The following DENND2D variants were observed in gnomAD, a reference collection of about 807,000 sequenced individuals.
The protein encoded by DENND2D is DENN domain containing 2D, also known as DENN domain-containing protein 2D.
DENND2D carries 37 observed loss-of-function variants against 59.8 expected under a neutral mutation model. That is an observed-to-expected ratio of 0.62 (90% confidence interval 0.48 to 0.81). The LOEUF is 0.81. DENND2D is among the 40% of genes least tolerant of loss of function. The probability of loss-of-function intolerance (pLI) is 0.00; values close to 1 mark genes in which losing one functional copy is unlikely to be tolerated. For missense variants in DENND2D, 525 were observed against 579.7 expected (o/e 0.91, Z 0.97); for synonymous variants, 219 against 211.3 (o/e 1.04, Z -0.31).
rs1177329797 is a variant in DENND2D at position 111,186,640 on chromosome 1, T to C, written c.*965A>G. 6.6e-6 allele frequency among the ~76,000 whole-genome samples: 1 copy of C among 152,172 alleles called. No homozygotes were observed. The highest frequency in any genetic ancestry group is 1.5e-5 in the Non-Finnish European group (1 of 68,030). ...GTGACCACTAAACTCCTTCAGACTC[T>C]TAAAATTACGATTCTTTTCTCAAAG... On this transcript the variant is annotated 3_prime_UTR_variant, in exon 12 of 12. Transcript: ENST00000357640.
chr1:111,201,714 A>AT (rs1379005063), upstream of DENND2D, among the ~76,000 whole-genome samples: 2 of 152,222 alleles, frequency 1.3e-5, no homozygotes, highest in Non-Finnish European at 2.9e-5. Flanking sequence ...CCTGCTAAGA[A>AT]TAAGCACCCC....
Position 111,197,398 on chromosome 1 carries a change from C to T in DENND2D, c.427-145G>A, listed in dbSNP as rs185718203. 5.2e-5 allele frequency: 76 copies of T among 1,460,118 alleles called. No individual in the cohort carries two copies. In the African/African-American group the frequency reaches 1.0e-3, roughly 20 times the overall value. The allele number at this position is 1,460,118 out of a possible 1,614,324, so 90.4% of individuals were successfully genotyped here. A position where few individuals can be genotyped will look rare whatever the true frequency, so the allele number is the denominator to read the frequency against. ...GCAGCAGGGAGGTCAGAATGGCCAC[C>T]AGCATCAAAAGAAGAAATCCTTGAG... On this transcript the variant is annotated intron_variant, in intron 4 of 11. Transcript: ENST00000357640.
intron 4 of DENND2D, 120 bp from the exon 5 acceptor site, chr1:111,197,373 G>A: frequency 1.3e-6 from 2 of 1,496,934 alleles, no homozygotes; most frequent in Non-Finnish European, 1.8e-6. Flanking sequence ...AATGGTGGGT[G>A]CAGCAGGGAG....
chr1:111,200,490 C>G lies in DENND2D; in HGVS notation c.-31G>C. The G allele has an allele frequency of 3.8e-6, 6 of 1,589,634 alleles. No individual in the cohort carries two copies. Among genetic ancestry groups the G allele is most frequent in the Non-Finnish European group, 5.1e-6 (6 of 1,167,762 alleles). ...GGCCTTCAGGACAGAGCGGACTCCC[C>G]TCTCCCCTAACACAGACAGACTGGT... On this transcript the variant is annotated 5_prime_UTR_variant, in exon 1 of 12. Coordinates refer to ENST00000357640, the MANE Select transcript of DENND2D (RefSeq NM_024901.5).
chr1:111,201,960 T>G (rs1274389868), upstream of DENND2D, among the ~76,000 whole-genome samples: 2 of 152,200 alleles, frequency 1.3e-5, no homozygotes, highest in Non-Finnish European at 2.9e-5. Context: ...ACCACCTGTT[T>G]GAGGAACAAG....
chr1:111,196,005 G>A lies in DENND2D; in HGVS notation c.556C>T (p.Pro186Ser). 6.2e-7 allele frequency: 1 copy of A among 1,613,872 alleles called. No individual in the cohort carries two copies. Among genetic ancestry groups the A allele is most frequent in the Non-Finnish European group, 8.5e-7 (1 of 1,179,928 alleles). The change falls in exon 6 of 12, where the codon CCG (proline) becomes TCG (serine). Residue 186 changes from proline (P) to serine (S), a missense_variant. Pro to Ser is a moderately conservative substitution (Grantham distance 74). This residue lies in a region of DENND2D where 253 missense variants were observed against 246.4 expected (regional missense o/e 1.03). Transcript: ENST00000357640. The stretch of plus-strand genomic sequence containing the variant: ...GCCTCTCGGAGGCCCTGCATGAACG[G>A]GTAGATGACAGCCATGGAGATCTGA... ...RHQISMAVIY[P>S]FMQGLREAAF... is the part of the protein sequence containing the mutation.
chr1:111,202,664 GACC>G (rs1269587532), upstream of DENND2D, among the ~76,000 whole-genome samples: 1 of 143,188 alleles, frequency 7.0e-6, no homozygotes, highest in East Asian at 2.1e-4. Context: ...CTCAACCCAG[GACC>G]ACCACCACAT....
rs1270735111 is a variant in DENND2D, at chr1:111,197,920, C to G, written c.426G>C (p.Leu142Phe). The G allele has an allele frequency of 1.9e-6, 3 of 1,613,846 alleles. No individual in the cohort carries two copies. Among genetic ancestry groups the G allele is most frequent in the South Asian group, 1.1e-5 (1 of 91,068 alleles). ...AGGGGCAGTTCTGAGCTGCACAGAC[C>G]AAGAGGCGCCTGCAGTATCCAATCT... ...SRKIGYCRRL[L>F]PAGPGPRLPK... The change falls in exon 4 of 12, where the codon TTG becomes TTC. Residue 142 changes from leucine (L) to phenylalanine (F), a missense_variant and splice_region_variant. Physicochemically the swap from Leu to Phe is conservative, Grantham distance 22. This residue lies in a region of DENND2D where 253 missense variants were observed against 246.4 expected (regional missense o/e 1.03). Coordinates refer to ENST00000357640, the MANE Select transcript of DENND2D (RefSeq NM_024901.5).
upstream of DENND2D, chr1:111,204,210 C>T (rs1310322004): frequency 2.2e-6 from 3 of 1,341,134 alleles, no homozygotes; most frequent in Non-Finnish European, 2.9e-6. Flanking sequence ...CCCGTGCCGC[C>T]CTCCACCGGG....
At chr1:111,194,452 G>A in intron 7 of DENND2D, 126 bp downstream of exon 7, 2 of 1,111,468 alleles carry the variant, frequency 1.8e-6, no homozygotes, top group Non-Finnish European at 2.6e-6. Context: ...AAAGAACAAG[G>A]AGCTAGAAAC....
intron 9 of DENND2D, 56 bp from the exon 10 acceptor site, chr1:111,188,842 G>T: frequency 6.6e-7 from 1 of 1,510,046 alleles, no homozygotes. Flanking sequence ...AGTGAAGGTG[G>T]TTGGCAGAAA....
intron 4 of DENND2D, chr1:111,197,512 G>C: frequency 4.3e-6 from 6 of 1,399,286 alleles, no homozygotes; most frequent in Non-Finnish European, 4.6e-6. Context: ...GTGTGCCTTA[G>C]AGATGAAGAA....
In DENND2D at chr1:111,196,016, G is replaced by A; in HGVS notation, c.545C>T (p.Ala182Val). 6.2e-7 allele frequency: 1 copy of A among 1,613,652 alleles called. No individual in the cohort carries two copies. Among genetic ancestry groups the A allele is most frequent in the Non-Finnish European group, 8.5e-7 (1 of 1,179,814 alleles). ...EVEKRHQISM[A>V]VIYPFMQGLR... ...GCCCTGCATGAACGGGTAGATGACA[G>A]CCATGGAGATCTGATGTCTCTTCTC... Residue 182 changes from alanine (A) to valine (V), a missense_variant, in exon 6 of 12, where the codon GCT (alanine) becomes GTT (valine). Around this residue, in one of 3 missense-constraint regions of DENND2D, gnomAD observed 253 missense variants for 246.4 expected, o/e 1.03. Coordinates refer to ENST00000357640, the MANE Select transcript of DENND2D (RefSeq NM_024901.5).
Position 111,200,531 on chromosome 1 carries a change from A to G in DENND2D, c.-72T>C. ...ACAGACTGGTGACAGTAAGCCTGAG[A>G]AAGGGGCTGCTTCGGTCTCCAGCCA... On this transcript the variant is annotated 5_prime_UTR_variant, in exon 1 of 12. Transcript: ENST00000357640. 1 of 1,547,562 alleles carries G rather than the reference A, an allele frequency of 6.5e-7. No individual in the cohort carries two copies. Among genetic ancestry groups the G allele is most frequent in the Non-Finnish European group, 8.7e-7 (1 of 1,144,772 alleles).
At position 111,188,481 on chromosome 1, in the gene DENND2D, G is replaced by C. The variant is rs567476946; in HGVS notation, c.1100-111C>G. 102 of 1,474,056 alleles carry C rather than the reference G, an allele frequency of 6.9e-5. No homozygotes were observed. The African/African-American group carries it at 1.3e-3, about 19-fold the overall frequency. The allele number at this position is 1,474,056 out of a possible 1,614,324, so 91.3% of individuals were successfully genotyped here. On this transcript the variant is annotated intron_variant, in intron 10 of 11. Coordinates refer to ENST00000357640, the MANE Select transcript of DENND2D (RefSeq NM_024901.5). ...CGGAAAGCTCCTGGGGAAAGCCATA[G>C]GGTAGGGTTCATAATTACTGACTGA...
upstream of DENND2D, chr1:111,204,426 TC>T: frequency 1.5e-6 from 2 of 1,307,168 alleles, no homozygotes; most frequent in East Asian, 3.1e-5. Context: ...CCTCCGCGGG[TC>T]CGACACTTTC....
chr1:111,200,343 G>A (rs770328519), intron 1 of DENND2D, 50 bp downstream of exon 1: 45 of 1,586,474 alleles, frequency 2.8e-5, no homozygotes, highest in Middle Eastern at 1.7e-4. Flanking sequence ...AAACAGTCCC[G>A]CCTAAGAGGG....
chr1:111,200,848 A>T (rs1658736585), upstream of DENND2D: 1 of 479,488 alleles, frequency 2.1e-6, no homozygotes, highest in African/African-American at 2.0e-5. Flanking sequence ...GATTGTGCAG[A>T]GAGTTAATTT....
At chr1:111,197,056 G>T in intron 5 of DENND2D, 120 bp downstream of exon 5, 1 of 1,173,664 alleles carries the variant, frequency 8.5e-7, no homozygotes, top group Non-Finnish European at 1.2e-6. Context: ...TCCCAAGTGT[G>T]CTTTAATGCT....
Sources: allele counts gnomAD v4.1 joint callset (sites outside exome capture counted in the v4.1 genomes callset), GRCh38; gene constraint gnomAD v4.1.1; regional missense constraint gnomAD v4.1.1; transcripts MANE v1.5; gene names NCBI Gene and HGNC (gene_info 2026-07-23, HGNC 2026-07-21).